The following SHANK1 variants were observed in gnomAD, a reference collection of about 807,000 sequenced individuals.
SHANK1 encodes SH3 and multiple ankyrin repeat domains protein 1.
Under a neutral mutation model 165.6 loss-of-function variants are expected in SHANK1, and 35 were observed. That is an observed-to-expected ratio of 0.21 (90% CI 0.16 to 0.28). SHANK1 has a LOEUF of 0.28. Ranked by LOEUF, SHANK1 falls within the 10% of genes least tolerant of loss-of-function variation. The pLI, the probability that SHANK1 is intolerant of heterozygous loss-of-function variation, is 1.00. For missense variants in SHANK1, 2,681 were observed against 3,036.4 expected (o/e 0.88, Z 2.75); for synonymous variants, 1,428 against 1,384.8 (o/e 1.03, Z -0.69).
intron 23 of SHANK1, among the ~76,000 whole-genome samples, chr19:50,665,412 C>T (rs1426774808): frequency 6.6e-6 from 1 of 151,382 alleles, no homozygotes; most frequent in East Asian, 2.0e-4. Context: ...ACTAAAAATA[C>T]AAAAATTTGC....
Position 50,662,038 on chromosome 19 carries a change from A to G in SHANK1, c.6413T>C (p.Val2138Ala). The G allele has an allele frequency of 6.2e-7, 1 of 1,614,076 alleles. No individual in the cohort carries two copies. The highest frequency in any genetic ancestry group is 8.5e-7 in the Non-Finnish European group (1 of 1,179,996). ...GCCCACCCTGGTCACACCTAGATCGACGTAGTCCTCCTTGGTCAAGGCGGG... is the reference window on the plus strand; with the variant it reads ...GCCCACCCTGGTCACACCTAGATCGGCGTAGTCCTCCTTGGTCAAGGCGGG... ...HLPALTKEDY[V>A]DLGVTRVGHR... is the part of the protein sequence containing the mutation. Residue 2138 changes from valine to alanine, a missense_variant, in exon 24 of 24, where the codon GTC (valine) becomes GCC (alanine). Val to Ala is a moderately conservative substitution (Grantham distance 64, BLOSUM62 0). Around this residue, in one of 10 missense-constraint regions of SHANK1, gnomAD observed 49 missense variants for 94.2 expected, o/e 0.52. Transcript: ENST00000293441. The surrounding 1 kb of genome is among the most constrained non-coding windows in gnomAD (Gnocchi z 7.7).
rs201911950 is a variant in SHANK1, at chr19:50,703,731, G to T, written c.1322C>A (p.Thr441Asn). 1.5e-4 allele frequency: 213 copies of T among 1,448,090 alleles called. No homozygotes were observed. In the East Asian group the frequency reaches 5.0e-3, roughly 34 times the overall value. 89.7% of individuals were successfully genotyped at this position (1,448,090 alleles called of 1,614,324 possible). A position where few individuals can be genotyped will look rare whatever the true frequency, so the allele number is the denominator to read the frequency against. Residue 441 changes from threonine (T) to asparagine (N), a missense_variant, in exon 11 of 24, where the codon ACC (threonine) becomes AAC (asparagine). By Grantham distance (65) the Thr-to-Asn change is moderately conservative. Transcript: ENST00000293441. ...PPALLRANSD[T>N]SMALPDWMVF... is the part of the protein sequence containing the mutation. ...CATCCAGTCGGGCAGCGCCATGCTG[G>T]TGTCACTGTTGGCCCGCAGCAGCGC...
At chr19:50,683,756 TTC>T (rs1986248146) in intron 21 of SHANK1, among the ~76,000 whole-genome samples, 1 of 152,174 alleles carries the variant, frequency 6.6e-6, no homozygotes, top group African/African-American at 2.4e-5. Flanking sequence ...ACTCAAGATT[TTC>T]TCTGCTTTGC....
intron 21 of SHANK1, among the ~76,000 whole-genome samples, chr19:50,673,814 C>CTTTT (rs35868452): frequency 6.9e-6 from 1 of 144,456 alleles, no homozygotes; most frequent in Non-Finnish European, 1.5e-5. Flanking sequence ...AAAATTTAAA[C>CTTTT]TTTTTTTTTT....
rs1410235028 is a variant in SHANK1 at position 50,718,490 on chromosome 19, C to G, written c.-44+916G>C. On this transcript the variant is annotated intron_variant, in intron 1 of 23. Coordinates refer to ENST00000293441, the MANE Select transcript of SHANK1 (RefSeq NM_016148.5). This position sits in a 1 kb window ranked among gnomAD's most constrained non-coding sequence, Gnocchi z 5.1. ...GTACGGCTGCCCCAGCCCCCCCGGG[C>G]CGGCTCCGGCCCCTCCCCCTCAGGG... 6.6e-6 allele frequency among the ~76,000 whole-genome samples: 1 copy of G among 151,964 alleles called. No homozygotes were observed. Among genetic ancestry groups the G allele is most frequent in the Non-Finnish European group, 1.5e-5 (1 of 67,942 alleles).
chr19:50,667,060 G>A lies in SHANK1; in HGVS notation c.4900C>T (p.Leu1634=). 6.4e-7 allele frequency: 1 copy of A among 1,553,354 alleles called. No individual in the cohort carries two copies. Among genetic ancestry groups the A allele is most frequent in the Non-Finnish European group, 8.7e-7 (1 of 1,154,060 alleles). ...GGAGCGGCGGAGGCCCCCTGGGTCA[G>A]GGTGGCCACCTCGCTGTCATAGGAT... ...LTSYDSEVAT[L]TQGASAAPGD... Residue 1634 remains leucine, a synonymous_variant, in exon 23 of 24, where the codon CTG becomes TTG. Coordinates refer to ENST00000293441, the MANE Select transcript of SHANK1 (RefSeq NM_016148.5). The surrounding 1 kb of genome is among the most constrained non-coding windows in gnomAD (Gnocchi z 5.7).
Position 50,686,693 on chromosome 19 carries a change from G to C in SHANK1, c.2458+51C>G, listed in dbSNP as rs775528846. Reference sequence around the variant, plus strand: ...TCATGGTGGGACAGGGATGCAGCGGGTGCCGGGGCTGGGGCCCGGCATCCC... The same window carrying C: ...TCATGGTGGGACAGGGATGCAGCGGCTGCCGGGGCTGGGGCCCGGCATCCC... On this transcript the variant is annotated intron_variant, in intron 20 of 23. Coordinates refer to ENST00000293441, the MANE Select transcript of SHANK1 (RefSeq NM_016148.5). The surrounding 1 kb of genome is among the most constrained non-coding windows in gnomAD (Gnocchi z 5.7). 1 of 1,543,672 alleles carries C rather than the reference G, an allele frequency of 6.5e-7. No individual in the cohort carries two copies. The highest frequency in any genetic ancestry group is 1.1e-5 in the South Asian group (1 of 89,366).
chr19:50,719,017 TGGGGACCAGGGTGACCTGGCGGA>T (rs2089101851), intron 1 of SHANK1, among the ~76,000 whole-genome samples: 1 of 99,372 alleles, frequency 1.0e-5, no homozygotes, highest in Non-Finnish European at 2.1e-5. Flanking sequence ...TGGAGGGGAG[TGGGGACCAGGGTGACCTGGCGGA>T]GGGGCCCAGG....
rs1168123165 is a variant in SHANK1, at chr19:50,686,829, C to G, written c.2390-17G>C. On this transcript the variant is annotated splice_polypyrimidine_tract_variant and intron_variant, in intron 19 of 23. Transcript: ENST00000293441. This position sits in a 1 kb window ranked among gnomAD's most constrained non-coding sequence, Gnocchi z 5.7. ...GCTCGTACTCTGTGGGCAAAGAACA[C>G]GGATGACGCCCAGGGAGCCCCCGGG... The G allele has an allele frequency of 6.2e-7, 1 of 1,613,268 alleles. No individual in the cohort carries two copies. The highest frequency in any genetic ancestry group is 8.5e-7 in the Non-Finnish European group (1 of 1,179,554).
At chr19:50,704,540 G>A in intron 8 of SHANK1, 26 bp from the exon 9 acceptor site, 1 of 1,597,642 alleles carries the variant, frequency 6.3e-7, no homozygotes, top group Non-Finnish European at 8.6e-7. Context: ...AGTGGCACAG[G>A]ACAAAGAGAG....
At position 50,662,295 on chromosome 19, in the gene SHANK1, T is replaced by C. The variant is rs978521339; in HGVS notation, c.6156A>G (p.Pro2052=). ...GAGGSADPFA[P]VFVPPHPGIS... ...TCCCCGGGTGTGGCGGCACAAAGAC[T>C]GGGGCGAAGGGGTCAGCCGAGCCTC... Residue 2052 remains proline, a synonymous_variant, in exon 24 of 24, where the codon CCA becomes CCG. Transcript: ENST00000293441. The surrounding 1 kb of genome is among the most constrained non-coding windows in gnomAD (Gnocchi z 7.7). 32 of 1,610,820 alleles carry C rather than the reference T, an allele frequency of 2.0e-5. No homozygotes were observed. The highest frequency in any genetic ancestry group is 2.5e-5 in the Non-Finnish European group (30 of 1,178,316).
chr19:50,709,726 T>G (rs1226514008), intron 8 of SHANK1, among the ~76,000 whole-genome samples: 2 of 152,022 alleles, frequency 1.3e-5, no homozygotes. Flanking sequence ...ATTTTTGTAT[T>G]TTTTCATAGA....
rs1335562557 is a variant in SHANK1 at position 50,712,048 on chromosome 19, T to C, written c.859A>G (p.Thr287Ala). The change falls in exon 7 of 24, where the codon ACG (threonine) becomes GCG (alanine). Residue 287 changes from threonine to alanine, a missense_variant. Physicochemically the swap from Thr to Ala is moderately conservative, Grantham distance 58. Around this residue, in one of 10 missense-constraint regions of SHANK1, gnomAD observed 189 missense variants for 440.9 expected, o/e 0.43. Transcript: ENST00000293441. ...DRRGLTPLFH[T>A]AMVGGDPRCC... ...CGGGGGTCACCACCCACCATGGCCG[T>C]GTGGAACAGAGGGGTCAGCCCCCGA... The C allele has an allele frequency of 6.2e-7, 1 of 1,613,820 alleles. No individual in the cohort carries two copies. Among genetic ancestry groups the C allele is most frequent in the Admixed American group, 1.7e-5 (1 of 59,998 alleles).
chr19:50,661,987 AGAGCCCGGTC>A lies in SHANK1; in HGVS notation c.6454_6463del (p.Asp2152SerfsTer32). ...CCATCACCTCTCCAGGAAGAATTTG[AGAGCCCGGTC>A]GATGTTCATGCGGTGGCCCACCCTG... is the stretch of plus-strand genomic sequence containing the variant. On this transcript the variant is annotated frameshift_variant, in exon 24 of 24. Coordinates refer to ENST00000293441, the MANE Select transcript of SHANK1 (RefSeq NM_016148.5). LOFTEE classifies it high-confidence loss of function. 1 of 1,614,124 alleles carries A rather than the reference AGAGCCCGGTC, an allele frequency of 6.2e-7. No homozygotes were observed. Among genetic ancestry groups the A allele is most frequent in the Non-Finnish European group, 8.5e-7 (1 of 1,180,046 alleles).
At chr19:50,689,625 C>A (rs780362120) in intron 15 of SHANK1, among the ~76,000 whole-genome samples, 1 of 152,170 alleles carries the variant, frequency 6.6e-6, no homozygotes, top group Non-Finnish European at 1.5e-5. Context: ...TCACTTCCTG[C>A]CTATGACCTT....
At position 50,669,087 on chromosome 19, in the gene SHANK1, G is replaced by C. The variant is rs763654441; in HGVS notation, c.2873C>G (p.Ser958Cys). The change falls in exon 23 of 24, where the codon TCT becomes TGT. Residue 958 changes from serine to cysteine, a missense_variant. Around this residue, in one of 10 missense-constraint regions of SHANK1, gnomAD observed 1,713 missense variants for 1,630.2 expected, o/e 1.05. Coordinates refer to ENST00000293441, the MANE Select transcript of SHANK1 (RefSeq NM_016148.5). ...SPRGGPFNPG[S>C]GGPLPASSPA... ...GGAGGAGGCGGGGAGGGGGCCACCA[G>C]AGCCAGGGTTGAAGGGCCCTCCCCG... 7.3e-7 allele frequency: 1 copy of C among 1,371,428 alleles called. No homozygotes were observed. Among genetic ancestry groups the C allele is most frequent in the South Asian group, 1.4e-5 (1 of 69,414 alleles). The allele number at this position is 1,371,428 out of a possible 1,614,324, so 85.0% of individuals were successfully genotyped here. A position where few individuals can be genotyped will look rare whatever the true frequency, so the allele number is the denominator to read the frequency against.
chr19:50,689,312 T>TG (rs753988665), intron 15 of SHANK1, 33 bp from the exon 16 acceptor site: 10 of 890,000 alleles, frequency 1.1e-5, no homozygotes, highest in Non-Finnish European at 1.6e-5. Context: ...GGGGGGGTGG[T>TG]GGGGGGAGTG....
In SHANK1 at chr19:50,661,830, C is replaced by T. The variant is rs1403256377; in HGVS notation, c.*135G>A. 2.0e-6 allele frequency: 2 copies of T among 990,720 alleles called. No homozygotes were observed. The highest frequency in any genetic ancestry group is 2.1e-5 in the Admixed American group (1 of 48,108). The allele number at this position is 990,720 out of a possible 1,614,324, so 61.4% of individuals were successfully genotyped here. On this transcript the variant is annotated 3_prime_UTR_variant, in exon 24 of 24. Coordinates refer to ENST00000293441, the MANE Select transcript of SHANK1 (RefSeq NM_016148.5). ...ATTGGGCCACCTGGTGACCTCTGGC[C>T]TTGGGAGATGAGGGCAGGGCGCAGT...
rs71182756 is a variant in SHANK1, at chr19:50,665,737, T to TAAAAAAAAAAAAAA, written c.5768+441_5768+454dup. On this transcript the variant is annotated intron_variant, in intron 23 of 23. Coordinates refer to ENST00000293441, the MANE Select transcript of SHANK1 (RefSeq NM_016148.5). ...GGGTGACAGAGTGAGACCCTGTTTC[T>TAAAAAAAAAAAAAA]AAAAAAAAAAAAAAAGCCAGGCATG... is the stretch of plus-strand genomic sequence containing the variant. Among the ~76,000 whole-genome samples, 64 of 98,144 alleles carry TAAAAAAAAAAAAAA rather than the reference T, an allele frequency of 6.5e-4. 3 individuals carry two copies. The highest frequency in any genetic ancestry group is 1.4e-3 in the East Asian group (5 of 3,596). 64.4% of individuals were successfully genotyped at this position (98,144 alleles called of 152,430 possible).
Sources: gnomAD v4.1 joint callset for allele counts (sites outside exome capture counted in the v4.1 genomes callset) on GRCh38, gnomAD v4.1.1 for gene constraint, gnomAD v4.1.1 regional missense constraint, Gnocchi (gnomAD v3.1) non-coding constraint, MANE v1.5 for transcripts, NCBI Gene and HGNC (gene_info 2026-07-23, HGNC 2026-07-21) for gene names.